The following ADCYAP1R1 variants were observed in gnomAD, a reference collection of about 807,000 sequenced individuals.
ADCYAP1R1 encodes the protein pituitary adenylate cyclase-activating polypeptide type I receptor.
In ADCYAP1R1, 44 loss-of-function variants were observed where a neutral mutation model predicts 67.6. That is an observed-to-expected ratio of 0.65 (90% CI 0.51 to 0.84). The LOEUF (loss-of-function observed/expected upper bound fraction) is 0.84. Among genes scored for constraint, ADCYAP1R1 ranks in the 40% least tolerant of loss-of-function variants. The pLI, the probability that ADCYAP1R1 is intolerant of heterozygous loss-of-function variation, is 0.00. For synonymous variants in ADCYAP1R1, 222 were observed against 219.6 expected, an observed-to-expected ratio of 1.01 and a Z score of -0.10; for missense variants, 477 against 587.9, an observed-to-expected ratio of 0.81 and a Z score of 1.95.
At chr7:31,060,435 T>TTCTGTGTGTGGTCCTCTATGTG (rs1794450335) in intron 1 of ADCYAP1R1, among the ~76,000 whole-genome samples, 2 of 152,160 alleles carry the variant, frequency 1.3e-5, no homozygotes, top group African/African-American at 4.8e-5. Context: ...CATATCTTTG[T>TTCTGTGTGTGGTCCTCTATGTG]TCTGTGTGTG....
At chr7:31,061,119 T>C (rs529200691) in intron 1 of ADCYAP1R1, among the ~76,000 whole-genome samples, 2 of 152,344 alleles carry the variant, frequency 1.3e-5, no homozygotes, top group South Asian at 4.1e-4. Flanking sequence ...CCTCAACGTG[T>C]TGCTGGGAGC....
At chr7:31,085,235 C>A in intron 8 of ADCYAP1R1, 75 bp from the exon 9 acceptor site, 3 of 1,552,592 alleles carry the variant, frequency 1.9e-6, no homozygotes, top group Non-Finnish European at 1.7e-6. Context: ...AGTTGGCCCA[C>A]CACAGATGCC....
chr7:31,093,851 C>T (rs1389625702), intron 13 of ADCYAP1R1, among the ~76,000 whole-genome samples: 4 of 152,026 alleles, frequency 2.6e-5, no homozygotes, highest in East Asian at 1.9e-4. Flanking sequence ...GTGAGAGATC[C>T]CAGTACAGGG....
chr7:31,053,930 CTA>C (rs1210029710), intron 1 of ADCYAP1R1, among the ~76,000 whole-genome samples: 1 of 152,146 alleles, frequency 6.6e-6, no homozygotes, highest in Non-Finnish European at 1.5e-5. Context: ...AGATGGAAAA[CTA>C]TGTTTGAGCC....
chr7:31,081,816 G>A (rs1795525986), intron 6 of ADCYAP1R1, 62 bp downstream of exon 6: 8 of 1,408,210 alleles, frequency 5.7e-6, no homozygotes, highest in Non-Finnish European at 5.9e-6. Context: ...GCTGACATGT[G>A]AGCTTTGAGA....
At chr7:31,072,119 A>G (rs1795017860) in intron 3 of ADCYAP1R1, among the ~76,000 whole-genome samples, 1 of 151,864 alleles carries the variant, frequency 6.6e-6, no homozygotes, top group South Asian at 2.1e-4. Flanking sequence ...TCGACTCTGC[A>G]GCAGTAACAA....
intron 1 of ADCYAP1R1, among the ~76,000 whole-genome samples, chr7:31,061,904 C>T (rs946114335): frequency 7.9e-5 from 12 of 152,112 alleles, no homozygotes; most frequent in South Asian, 4.1e-4. Flanking sequence ...CATGGCCTCC[C>T]GGGCCAGGCA....
chr7:31,102,162 G>A lies in ADCYAP1R1; in HGVS notation c.1047-1075G>A, dbSNP rs1796465836. On this transcript the variant is annotated intron_variant, in intron 13 of 15. Coordinates refer to ENST00000304166, the MANE Select transcript of ADCYAP1R1 (RefSeq NM_001118.5). This position sits in a 1 kb window ranked among gnomAD's most constrained non-coding sequence, Gnocchi z 4.3. ...AATGCGGGAGAGAGGGACACATGGT[G>A]TAATTGCCCCAAATCAAACGACTGC... Among the ~76,000 whole-genome samples the A allele has an allele frequency of 6.6e-6, 1 of 152,206 alleles. No homozygotes were observed. Among genetic ancestry groups the A allele is most frequent in the African/African-American group, 2.4e-5 (1 of 41,460 alleles).
At chr7:31,063,434 A>G (rs575442313) in intron 2 of ADCYAP1R1, 119 bp downstream of exon 2, 22 of 1,127,314 alleles carry the variant, frequency 2.0e-5, no homozygotes, top group South Asian at 1.5e-4. Flanking sequence ...ATTTCTGCCA[A>G]CACCACCACT....
At position 31,092,621 on chromosome 7, in the gene ADCYAP1R1, CTTT is replaced by C. The variant is rs112436908; in HGVS notation, c.955-12_955-10del. Reference sequence around the variant, plus strand: ...CTTTGCCCAGAATCATGTCCATCTGCTTTTTTTTTTTTTGCTCCTTAGGTTAAC... The same window carrying C: ...CTTTGCCCAGAATCATGTCCATCTGCTTTTTTTTTTGCTCCTTAGGTTAAC... On this transcript the variant is annotated intron_variant, in intron 12 of 15. Transcript: ENST00000304166. The C allele has an allele frequency of 2.6e-4, 359 of 1,373,906 alleles. No homozygotes were observed. The highest frequency in any genetic ancestry group is 2.8e-4 in the Non-Finnish European group (280 of 993,378). The allele number at this position is 1,373,906 out of a possible 1,614,324, so 85.1% of individuals were successfully genotyped here. A position where few individuals can be genotyped will look rare whatever the true frequency, so the allele number is the denominator to read the frequency against.
chr7:31,086,582 A>G lies in ADCYAP1R1; in HGVS notation c.823+45A>G. The G allele has an allele frequency of 6.2e-7, 1 of 1,602,794 alleles. No homozygotes were observed. ...TTGGACAGGTTCAGGTCCCGTGGTCAGGTGTGTCCAGGTGTGTCTTTGGTT... is the reference window on the plus strand; with the variant it reads ...TTGGACAGGTTCAGGTCCCGTGGTCGGGTGTGTCCAGGTGTGTCTTTGGTT... On this transcript the variant is annotated intron_variant, in intron 10 of 15. Transcript: ENST00000304166. This position sits in a 1 kb window ranked among gnomAD's most constrained non-coding sequence, Gnocchi z 5.0.
chr7:31,076,429 G>A (rs1456532725), intron 3 of ADCYAP1R1, among the ~76,000 whole-genome samples: 5 of 152,098 alleles, frequency 3.3e-5, no homozygotes, highest in Admixed American at 6.5e-5. Context: ...GCAGGCACCC[G>A]GGAGAGGGGA....
chr7:31,053,188 TG>T (rs1428733938), intron 1 of ADCYAP1R1, among the ~76,000 whole-genome samples: 1 of 128,756 alleles, frequency 7.8e-6, no homozygotes, highest in Non-Finnish European at 1.7e-5. Context: ...ATGTGCTAGG[TG>T]GGGGTTGGGG....
chr7:31,099,847 T>C (rs1288777190), intron 13 of ADCYAP1R1, among the ~76,000 whole-genome samples: 1 of 152,196 alleles, frequency 6.6e-6, no homozygotes, highest in Non-Finnish European at 1.5e-5. Flanking sequence ...ACCTTCTGAA[T>C]ACACACCTTC....
intron 1 of ADCYAP1R1, among the ~76,000 whole-genome samples, chr7:31,059,451 A>G (rs1794397149): frequency 6.6e-6 from 1 of 152,178 alleles, no homozygotes; most frequent in Admixed American, 6.5e-5. Flanking sequence ...GTCTGGACCC[A>G]AGAGAGAGAG....
intron 13 of ADCYAP1R1, among the ~76,000 whole-genome samples, chr7:31,099,591 C>G (rs1796350208): frequency 1.3e-5 from 2 of 152,090 alleles, no homozygotes; most frequent in South Asian, 4.2e-4. Context: ...AAGCTGTGGA[C>G]CAGAGGAGAG....
intron 3 of ADCYAP1R1, among the ~76,000 whole-genome samples, chr7:31,075,459 C>T (rs1795169471): frequency 2.0e-5 from 3 of 152,118 alleles, no homozygotes; most frequent in Non-Finnish European, 4.4e-5. Flanking sequence ...CCTGGCACTC[C>T]ACACTCCTGC....
rs567729989 is a variant in ADCYAP1R1, at chr7:31,086,228, G to A, written c.670-156G>A. On this transcript the variant is annotated intron_variant, in intron 9 of 15. Coordinates refer to ENST00000304166, the MANE Select transcript of ADCYAP1R1 (RefSeq NM_001118.5). This position sits in a 1 kb window ranked among gnomAD's most constrained non-coding sequence, Gnocchi z 5.0. The stretch of plus-strand genomic sequence containing the variant: ...CAGCTTTGACTCAGAATCATGGGAT[G>A]CTGCAATTTTCAACTCTTTGATCCA... Among the ~76,000 whole-genome samples, 4 of 152,222 alleles carry A rather than the reference G, an allele frequency of 2.6e-5. No individual in the cohort carries two copies. Among genetic ancestry groups the A allele is most frequent in the Non-Finnish European group, 4.4e-5 (3 of 68,040 alleles).
intron 13 of ADCYAP1R1, among the ~76,000 whole-genome samples, chr7:31,097,295 C>A (rs560560212): frequency 6.6e-6 from 1 of 152,210 alleles, no homozygotes; most frequent in African/African-American, 2.4e-5. Flanking sequence ...CAGAATTTAC[C>A]GCATCAGTCA....
Sources: gnomAD v4.1 joint callset for allele counts (sites outside exome capture counted in the v4.1 genomes callset) on GRCh38, gnomAD v4.1.1 for gene constraint, Gnocchi (gnomAD v3.1) non-coding constraint, MANE v1.5 for transcripts, NCBI Gene and HGNC (gene_info 2026-07-23, HGNC 2026-07-21) for gene names.